The following RAPGEF1 variants were observed in gnomAD, a reference collection of about 807,000 sequenced individuals.
The protein encoded by RAPGEF1 is Rap guanine nucleotide exchange factor 1.
RAPGEF1 carries 33 observed loss-of-function variants against 143.3 expected under a neutral mutation model. The observed-to-expected ratio is 0.23, with a 90% CI of 0.17 to 0.31. RAPGEF1 has a LOEUF of 0.31. RAPGEF1 is among the 10% of genes least tolerant of loss of function. RAPGEF1 has a pLI of 1.00. For synonymous variants in RAPGEF1, 629 were observed against 676.5 expected, an observed-to-expected ratio of 0.93 and a Z score of 1.09; for missense variants, 1,199 against 1,645.4, an observed-to-expected ratio of 0.73 and a Z score of 4.69.
At chr9:131,724,629 C>G (rs1040884023) in intron 1 of RAPGEF1, among the ~76,000 whole-genome samples, 1 of 152,054 alleles carries the variant, frequency 6.6e-6, no homozygotes, top group Non-Finnish European at 1.5e-5. Flanking sequence ...CCTGAAACAC[C>G]AGGATTGTTA....
At chr9:131,691,733 T>C (rs1589023010) in intron 1 of RAPGEF1, among the ~76,000 whole-genome samples, 1 of 152,302 alleles carries the variant, frequency 6.6e-6, no homozygotes, top group East Asian at 1.9e-4. Context: ...AAGAAACTGA[T>C]GGGCTTGTGA....
At position 131,604,918 on chromosome 9, in the gene RAPGEF1, G is replaced by A. The variant is rs753374078; in HGVS notation, c.2319+13C>T. The A allele has an allele frequency of 9.3e-6, 12 of 1,292,828 alleles. No individual in the cohort carries two copies. The highest frequency in any genetic ancestry group is 1.5e-5 in the African/African-American group (1 of 65,246). The allele number at this position is 1,292,828 out of a possible 1,614,324, so 80.1% of individuals were successfully genotyped here. A position where few individuals can be genotyped will look rare whatever the true frequency, so the allele number is the denominator to read the frequency against. ...TGTGTGTGTGTGTGTGTGTGTGCACGCTGAGTTCTCACCGAGTCAGTGAAA... is the reference window on the plus strand; with the variant it reads ...TGTGTGTGTGTGTGTGTGTGTGCACACTGAGTTCTCACCGAGTCAGTGAAA... On this transcript the variant is annotated intron_variant, in intron 13 of 26. Transcript: ENST00000683357.
At chr9:131,718,365 G>A (rs982849617) in intron 1 of RAPGEF1, among the ~76,000 whole-genome samples, 1 of 152,208 alleles carries the variant, frequency 6.6e-6, no homozygotes, top group African/African-American at 2.4e-5. Flanking sequence ...GGAAGCCCCA[G>A]GCAATCATAA....
intron 1 of RAPGEF1, among the ~76,000 whole-genome samples, chr9:131,654,976 G>A (rs1972070955): frequency 6.6e-6 from 1 of 152,126 alleles, no homozygotes; most frequent in African/African-American, 2.4e-5. Flanking sequence ...CACTCCCTCT[G>A]TCAAGTTTTT....
chr9:131,718,078 C>G (rs1184629212), intron 1 of RAPGEF1, among the ~76,000 whole-genome samples: 2 of 152,210 alleles, frequency 1.3e-5, no homozygotes, highest in Non-Finnish European at 2.9e-5. Context: ...CCCAAGATCA[C>G]ATGATCAGCA....
intron 9 of RAPGEF1, among the ~76,000 whole-genome samples, chr9:131,626,800 T>C (rs1564562661): frequency 6.6e-6 from 1 of 152,226 alleles, no homozygotes; most frequent in Non-Finnish European, 1.5e-5. Context: ...TACAATTCCT[T>C]TTTGAAAAAG....
chr9:131,692,989 G>C (rs1430452985), intron 1 of RAPGEF1, among the ~76,000 whole-genome samples: 2 of 152,176 alleles, frequency 1.3e-5, no homozygotes, highest in Non-Finnish European at 1.5e-5. Context: ...GGTTCATGGG[G>C]ACCCTGGCTA....
chr9:131,614,735 C>T (rs1020705633), intron 12 of RAPGEF1, among the ~76,000 whole-genome samples: 5 of 152,338 alleles, frequency 3.3e-5, no homozygotes, highest in Admixed American at 1.3e-4. Context: ...TCTCAGAAAA[C>T]GACTGTTTTG....
intron 1 of RAPGEF1, among the ~76,000 whole-genome samples, chr9:131,658,194 C>T (rs890808224): frequency 1.3e-5 from 2 of 152,168 alleles, no homozygotes; most frequent in Non-Finnish European, 2.9e-5. Context: ...ACAGATATTG[C>T]AAAACAATTC....
intron 1 of RAPGEF1, among the ~76,000 whole-genome samples, chr9:131,687,026 T>A (rs973643390): frequency 1.3e-5 from 2 of 152,096 alleles, no homozygotes; most frequent in Non-Finnish European, 2.9e-5. Context: ...ATAGGATCCG[T>A]TATGTTAAGT....
At chr9:131,723,012 A>C (rs1410287174) in intron 1 of RAPGEF1, among the ~76,000 whole-genome samples, 1 of 152,148 alleles carries the variant, frequency 6.6e-6, no homozygotes, top group Non-Finnish European at 1.5e-5. Context: ...TAGCCAACAT[A>C]GTGAAACCCT....
Position 131,621,927 on chromosome 9 carries a change from T to G in RAPGEF1, c.1774A>C (p.Asn592His). The stretch of plus-strand genomic sequence containing the variant: ...TTCTTCTGCTGGTAGATGTGCTCGT[T>G]CTGTGGCGTCTGGTAGAACATAGAG... ...QPSMFYQTPQ[N>H]EHIYQQKNKL... The change falls in exon 11 of 27, where the codon AAC becomes CAC. Residue 592 changes from asparagine (N) to histidine (H), a missense_variant. By Grantham distance (68) the Asn-to-His change is moderately conservative. Transcript: ENST00000683357. The surrounding 1 kb of genome is among the most constrained non-coding windows in gnomAD (Gnocchi z 4.5). The G allele has an allele frequency of 6.2e-7, 1 of 1,613,830 alleles. No homozygotes were observed. Among genetic ancestry groups the G allele is most frequent in the South Asian group, 1.1e-5 (1 of 91,038 alleles).
intron 3 of RAPGEF1, among the ~76,000 whole-genome samples, chr9:131,648,412 A>C (rs868680103): frequency 6.6e-6 from 1 of 151,594 alleles, no homozygotes; most frequent in African/African-American, 2.4e-5. Context: ...AACAAACAAA[A>C]AAACAACAAA....
At chr9:131,701,219 G>A (rs979982206) in intron 1 of RAPGEF1, among the ~76,000 whole-genome samples, 3 of 152,248 alleles carry the variant, frequency 2.0e-5, no homozygotes, top group East Asian at 1.9e-4. Context: ...TGTATTTTAC[G>A]CACGTTCCCA....
In RAPGEF1 at chr9:131,653,646, G is replaced by A. The variant is rs111420578; in HGVS notation, c.62-2697C>T. Reference sequence around the variant, plus strand: ...GCAGTACCAAGTGTTGGTGAGGACTGGAGAAACTGAACGCCCTACACATTG... The same window carrying A: ...GCAGTACCAAGTGTTGGTGAGGACTAGAGAAACTGAACGCCCTACACATTG... On this transcript the variant is annotated intron_variant, in intron 1 of 26. Coordinates refer to ENST00000683357, the MANE Select transcript of RAPGEF1 (RefSeq NM_001377935.1). 1.5e-3 allele frequency among the ~76,000 whole-genome samples: 227 copies of A among 152,300 alleles called. 1 individual carries two copies. The highest frequency in any genetic ancestry group is 3.4e-3 in the Middle Eastern group (1 of 294).
chr9:131,672,704 AG>A (rs1335161816), intron 1 of RAPGEF1, among the ~76,000 whole-genome samples: 1 of 152,224 alleles, frequency 6.6e-6, no homozygotes, highest in Non-Finnish European at 1.5e-5. Context: ...CTTCGACAGC[AG>A]GGGAAGTTCT....
Position 131,628,750 on chromosome 9 carries a change from G to A in RAPGEF1, c.894-78C>T. On this transcript the variant is annotated intron_variant, in intron 7 of 26. Coordinates refer to ENST00000683357, the MANE Select transcript of RAPGEF1 (RefSeq NM_001377935.1). The surrounding 1 kb of genome is among the most constrained non-coding windows in gnomAD (Gnocchi z 5.7). ...TCAGCGTGATATTGGGGTACAGGATGTGGGGTTCTTTCATTACTAGACTCT... is the reference window on the plus strand; with the variant it reads ...TCAGCGTGATATTGGGGTACAGGATATGGGGTTCTTTCATTACTAGACTCT... 5 of 1,505,674 alleles carry A rather than the reference G, an allele frequency of 3.3e-6. No homozygotes were observed. The highest frequency in any genetic ancestry group is 2.8e-5 in the African/African-American group (2 of 71,812). The allele number at this position is 1,505,674 out of a possible 1,614,324, so 93.3% of individuals were successfully genotyped here.
intron 1 of RAPGEF1, among the ~76,000 whole-genome samples, chr9:131,665,557 T>C (rs908022929): frequency 2.1e-4 from 32 of 152,182 alleles, no homozygotes; most frequent in African/African-American, 6.5e-4. Flanking sequence ...AGTCTCGCTA[T>C]GTCACCCTTC....
At chr9:131,704,788 A>T (rs1401028303) in intron 1 of RAPGEF1, among the ~76,000 whole-genome samples, 4 of 152,106 alleles carry the variant, frequency 2.6e-5, no homozygotes, top group African/African-American at 9.7e-5. Flanking sequence ...GAAAGAAGGA[A>T]AGGAGCCAGT....
Sources: allele counts gnomAD v4.1 joint callset (sites outside exome capture counted in the v4.1 genomes callset), GRCh38; gene constraint gnomAD v4.1.1; non-coding constraint Gnocchi (gnomAD v3.1); transcripts MANE v1.5; gene names NCBI Gene and HGNC (gene_info 2026-07-23, HGNC 2026-07-21).